SMYD2: variants seen among roughly 807,000 people sequenced by gnomAD.
SMYD2 encodes the protein SET and MYND domain containing 2.
In SMYD2, 53 loss-of-function variants were observed where a neutral mutation model predicts 59.1. The observed-to-expected ratio is 0.90, with a 90% confidence interval of 0.72 to 1.13. The LOEUF is 1.13. Ranked by LOEUF, SMYD2 falls within the 50% of genes most tolerant of loss-of-function variation. SMYD2 has a pLI of 0.00. For missense variants in SMYD2, 494 were observed against 544.7 expected, an observed-to-expected ratio of 0.91 and a Z score of 0.93; for synonymous variants, 208 against 198.8, an observed-to-expected ratio of 1.05 and a Z score of -0.39.
At chr1:214,322,965 G>GT (rs1312107183) in intron 5 of SMYD2, among the ~76,000 whole-genome samples, 1 of 152,200 alleles carries the variant, frequency 6.6e-6, no homozygotes, top group Non-Finnish European at 1.5e-5. Flanking sequence ...TAACAGTGCA[G>GT]TGTCCCCAAG....
chr1:214,283,153 T>TA (rs1401144275), intron 1 of SMYD2, among the ~76,000 whole-genome samples: 10 of 152,230 alleles, frequency 6.6e-5, no homozygotes, highest in Non-Finnish European at 1.5e-4. Flanking sequence ...ATGCTTCTCT[T>TA]TAGCTTTAAG....
intron 10 of SMYD2, chr1:214,333,290 C>T (rs973560500): frequency 2.2e-4 from 34 of 152,296 alleles, no homozygotes; most frequent in African/African-American, 7.7e-4. Context: ...GACAGCATCC[C>T]AGCCCTGTGG....
intron 6 of SMYD2, among the ~76,000 whole-genome samples, chr1:214,326,237 C>CAA (rs35269144): frequency 0.012 from 1,054 of 90,728 alleles, 14 homozygotes; most frequent in African/African-American, 0.043. Context: ...GACTCCATCT[C>CAA]AAAAAAAAAA....
At chr1:214,304,558 C>CAAA (rs56254326) in intron 1 of SMYD2, among the ~76,000 whole-genome samples, 4,824 of 47,928 alleles carry the variant, frequency 0.1, 1,076 homozygotes, top group African/African-American at 0.21. Flanking sequence ...GACCCTATCT[C>CAAA]AAAAAAAAAA....
chr1:214,290,896 A>G (rs1326864275), intron 1 of SMYD2, among the ~76,000 whole-genome samples: 1 of 152,078 alleles, frequency 6.6e-6, no homozygotes, highest in Non-Finnish European at 1.5e-5. Flanking sequence ...GATTTTTCTT[A>G]CTCTGGTGAT....
intron 5 of SMYD2, among the ~76,000 whole-genome samples, chr1:214,319,799 G>C (rs544232767): frequency 6.6e-6 from 1 of 152,154 alleles, no homozygotes; most frequent in African/African-American, 2.4e-5. Context: ...GACCTTCCCA[G>C]GTAGAGAAAT....
chr1:214,330,977 C>G lies in SMYD2; in HGVS notation c.844C>G (p.Leu282Val), dbSNP rs1455510092. 4 of 1,614,104 alleles carry G rather than the reference C, an allele frequency of 2.5e-6. No individual in the cohort carries two copies. Among genetic ancestry groups the G allele is most frequent in the African/African-American group, 1.3e-5 (1 of 74,940 alleles). The change falls in exon 9 of 12, where the codon CTC becomes GTC. Residue 282 changes from leucine (L) to valine (V), a missense_variant. Coordinates refer to ENST00000366957, the MANE Select transcript of SMYD2 (RefSeq NM_020197.3). Reference sequence around the variant, plus strand: ...TAAGGCCAAGGTGGAAATCCGGAAGCTCAGCGATCCCCCAAAGGCAGAAGC... The same window carrying G: ...TAAGGCCAAGGTGGAAATCCGGAAGGTCAGCGATCCCCCAAAGGCAGAAGC... Reference protein sequence around the residue: ...KDKAKVEIRKLSDPPKAEAIR... With the variant: ...KDKAKVEIRKVSDPPKAEAIR...
At chr1:214,309,094 C>T (rs530332596) in intron 2 of SMYD2, among the ~76,000 whole-genome samples, 6 of 152,290 alleles carry the variant, frequency 3.9e-5, no homozygotes, top group Admixed American at 3.9e-4. Context: ...TCTCCCCAAG[C>T]CCTCTTCTGT....
rs149337520 is a variant in SMYD2 at position 214,307,539 on chromosome 1, A to G, written c.237+2289A>G. ...TGTGAATAAGGCTTATTACAAAATG[A>G]GTCTTAACTCCTTTAAGTAGCTGTG... On this transcript the variant is annotated intron_variant, in intron 2 of 11. Transcript: ENST00000366957. Among the ~76,000 whole-genome samples the G allele has an allele frequency of 4.6e-5, 7 of 152,312 alleles. No homozygotes were observed. The East Asian group carries it at 1.3e-3, about 29-fold the overall frequency.
intron 7 of SMYD2, among the ~76,000 whole-genome samples, chr1:214,329,907 T>C (rs1047014499): frequency 2.6e-5 from 4 of 152,214 alleles, no homozygotes; most frequent in Non-Finnish European, 5.9e-5. Context: ...ACTCCTTGAT[T>C]CTACAGACTC....
chr1:214,295,358 A>C (rs978345903), intron 1 of SMYD2, among the ~76,000 whole-genome samples: 2 of 152,068 alleles, frequency 1.3e-5, no homozygotes, highest in Non-Finnish European at 1.5e-5. Context: ...ACTGTTTCAC[A>C]GGCTAAATAT....
At chr1:214,298,167 A>G (rs1187524282) in intron 1 of SMYD2, among the ~76,000 whole-genome samples, 3 of 152,238 alleles carry the variant, frequency 2.0e-5, no homozygotes, top group Admixed American at 1.3e-4. Flanking sequence ...CTGTAAGGCT[A>G]TGGTAACCAA....
chr1:214,333,142 A>C (rs2102480506), intron 10 of SMYD2: 1 of 152,440 alleles, frequency 6.6e-6, no homozygotes, highest in African/African-American at 2.4e-5. Context: ...GCCAGCTCTT[A>C]AAATCTGCTC....
In SMYD2 at chr1:214,320,827, A is replaced by G. The variant is rs181767422; in HGVS notation, c.534+1844A>G. Among the ~76,000 whole-genome samples the G allele has an allele frequency of 1.3e-3, 194 of 152,332 alleles. 1 individual carries two copies. The highest frequency in any genetic ancestry group is 2.2e-3 in the Non-Finnish European group (149 of 68,032). On this transcript the variant is annotated intron_variant, in intron 5 of 11. Coordinates refer to ENST00000366957, the MANE Select transcript of SMYD2 (RefSeq NM_020197.3). ...AGTTTTGAGTGTTAAGGTAGAAGGA[A>G]TAAAAGACCTTTCTAATTTTCATAT...
chr1:214,334,226 A>G lies in SMYD2; in HGVS notation c.1139A>G (p.Asn380Ser), dbSNP rs1657401237. ...AAGCACTATCCTTTGTACTCCCTCA[A>G]CGTGGCCTCCATGTGGTTGAAGCTA... ...YSKHYPLYSL[N>S]VASMWLKLGR... The change falls in exon 11 of 12, where the codon AAC becomes AGC. Residue 380 changes from asparagine to serine, a missense_variant. Transcript: ENST00000366957. 1.2e-6 allele frequency: 2 copies of G among 1,613,964 alleles called. No homozygotes were observed. The highest frequency in any genetic ancestry group is 1.7e-6 in the Non-Finnish European group (2 of 1,179,988).
At chr1:214,325,424 C>T (rs1033912127) in intron 6 of SMYD2, among the ~76,000 whole-genome samples, 5 of 152,198 alleles carry the variant, frequency 3.3e-5, no homozygotes, top group African/African-American at 1.2e-4. Context: ...CATCATGCAT[C>T]CCCCCAGCCT....
chr1:214,331,991 G>C, intron 9 of SMYD2, 27 bp from the exon 10 acceptor site: 1 of 1,602,122 alleles, frequency 6.2e-7, no homozygotes, highest in Non-Finnish European at 8.5e-7. Flanking sequence ...CTTGGGCCCG[G>C]TGGCCCTTTC....
intron 5 of SMYD2, among the ~76,000 whole-genome samples, chr1:214,321,392 C>T (rs540911014): frequency 8.7e-5 from 13 of 149,580 alleles, no homozygotes; most frequent in Admixed American, 2.7e-4. Flanking sequence ...TTTGTGTTCA[C>T]ACAAATACAC....
rs532543226 is a variant in SMYD2 at position 214,321,407 on chromosome 1, A to G, written c.534+2424A>G. Among the ~76,000 whole-genome samples, 11 of 117,818 alleles carry G rather than the reference A, an allele frequency of 9.3e-5. No individual in the cohort carries two copies. The East Asian group carries it at 2.6e-3, about 28-fold the overall frequency. 77.3% of individuals were successfully genotyped at this position (117,818 alleles called of 152,430 possible). ...TTTGTGTTCACACAAATACACACAC[A>G]TATAATTTTTTCATATGTAAATTTG... On this transcript the variant is annotated intron_variant, in intron 5 of 11. Transcript: ENST00000366957.
Sources: allele counts gnomAD v4.1 joint callset (sites outside exome capture counted in the v4.1 genomes callset), GRCh38; gene constraint gnomAD v4.1.1; transcripts MANE v1.5; gene names NCBI Gene and HGNC (gene_info 2026-07-23, HGNC 2026-07-21).